The following PADI2 variants were observed in gnomAD, a reference collection of about 807,000 sequenced individuals.
PADI2 encodes the protein peptidyl arginine deiminase 2.
In PADI2, 70 loss-of-function variants were observed where a neutral mutation model predicts 81.1. That is an observed-to-expected ratio of 0.86 (90% confidence interval 0.71 to 1.05). The LOEUF (loss-of-function observed/expected upper bound fraction) is 1.05, where lower values mean the gene tolerates loss of function less well. Among genes scored for constraint, PADI2 ranks in the 50% least tolerant of loss-of-function variants. PADI2 has a pLI of 0.00. For synonymous variants in PADI2, 338 were observed against 358.0 expected, an observed-to-expected ratio of 0.94 and a Z score of 0.63; for missense variants, 853 against 889.9, an observed-to-expected ratio of 0.96 and a Z score of 0.53.
At chr1:17,108,682 A>G (rs1489672946) in intron 1 of PADI2, among the ~76,000 whole-genome samples, 1 of 152,186 alleles carries the variant, frequency 6.6e-6, no homozygotes, top group African/African-American at 2.4e-5. Context: ...TGGCACAGGG[A>G]GGAACAATCT....
intron 12 of PADI2, 44 bp from the exon 13 acceptor site, chr1:17,074,993 C>T: frequency 5.2e-6 from 7 of 1,351,564 alleles, no homozygotes; most frequent in South Asian, 1.2e-5. Flanking sequence ...AGTGGGAAGG[C>T]ACCCAAGGAG....
intron 1 of PADI2, among the ~76,000 whole-genome samples, chr1:17,118,859 T>C (rs1220199528): frequency 1.3e-5 from 2 of 151,888 alleles, no homozygotes; most frequent in Non-Finnish European, 1.5e-5. Context: ...GAAGCTCCGC[T>C]GAACTGGGAG....
rs376547332 is a variant in PADI2 at position 17,102,967 on chromosome 1, C to T, written c.349+20G>A. The stretch of plus-strand genomic sequence containing the variant: ...GCCCTGGGTGATGAAGGCACTGAGA[C>T]GGCAACCATGCCAACTCACCAATGG... On this transcript the variant is annotated intron_variant, in intron 3 of 15. Transcript: ENST00000375486. The T allele has an allele frequency of 4.0e-5, 64 of 1,591,504 alleles. No individual in the cohort carries two copies. The highest frequency in any genetic ancestry group is 4.5e-5 in the South Asian group (4 of 89,726).
intron 1 of PADI2, among the ~76,000 whole-genome samples, chr1:17,116,097 C>T (rs969988798): frequency 2.6e-5 from 4 of 152,206 alleles, no homozygotes; most frequent in African/African-American, 9.7e-5. Flanking sequence ...AAGATCCTTC[C>T]TCCTGTTCTC....
chr1:17,082,826 T>C, intron 9 of PADI2, 174 bp from the exon 10 acceptor site: 1 of 555,728 alleles, frequency 1.8e-6, no homozygotes, highest in East Asian at 3.2e-5. Context: ...CAGGTGTCCA[T>C]AGGCAGTCTC....
intron 5 of PADI2, 110 bp from the exon 6 acceptor site, chr1:17,092,643 G>A: frequency 3.0e-6 from 3 of 1,006,110 alleles, no homozygotes; most frequent in Non-Finnish European, 4.3e-6. Flanking sequence ...TGTGTATTAT[G>A]GAAACTATAG....
chr1:17,099,360 G>T (rs1931059636), intron 3 of PADI2, among the ~76,000 whole-genome samples: 1 of 152,110 alleles, frequency 6.6e-6, no homozygotes, highest in African/African-American at 2.4e-5. Flanking sequence ...TCCACTGCCA[G>T]GACCTCAAAT....
chr1:17,102,905 AC>A, intron 3 of PADI2, 81 bp downstream of exon 3: 1 of 1,026,068 alleles, frequency 9.7e-7, no homozygotes, highest in South Asian at 1.3e-5. Flanking sequence ...CGCACTGAGA[AC>A]CGCCTAAGTG....
At chr1:17,116,805 G>T (rs1020362131) in intron 1 of PADI2, among the ~76,000 whole-genome samples, 20 of 152,308 alleles carry the variant, frequency 1.3e-4, no homozygotes, top group African/African-American at 4.6e-4. Context: ...GGTGGGTTCA[G>T]TTCCTAAGTG....
At chr1:17,099,972 G>A (rs376737197) in intron 3 of PADI2, among the ~76,000 whole-genome samples, 1 of 152,140 alleles carries the variant, frequency 6.6e-6, no homozygotes, top group African/African-American at 2.4e-5. Context: ...ACTCAGGATA[G>A]GACCAGGGTG....
At chr1:17,103,714 C>T (rs186783163) in intron 2 of PADI2, among the ~76,000 whole-genome samples, 39 of 150,256 alleles carry the variant, frequency 2.6e-4, no homozygotes, top group Admixed American at 1.3e-3. Flanking sequence ...CTATTCTGAA[C>T]GGAGGTGTGT....
At chr1:17,084,340 G>A (rs1176733335) in intron 8 of PADI2, among the ~76,000 whole-genome samples, 1 of 152,236 alleles carries the variant, frequency 6.6e-6, no homozygotes, top group Non-Finnish European at 1.5e-5. Flanking sequence ...CCTGGTAGAG[G>A]GTTAAGCAAG....
chr1:17,105,048 C>T lies in PADI2; in HGVS notation c.106G>A (p.Gly36Arg), dbSNP rs143710553. 8.2e-6 allele frequency: 13 copies of T among 1,579,106 alleles called. No individual in the cohort carries two copies. Among genetic ancestry groups the T allele is most frequent in the South Asian group, 3.4e-5 (3 of 88,862 alleles). The change falls in exon 2 of 16, where the codon GGG becomes AGG. Residue 36 changes from glycine to arginine, a missense_variant. By Grantham distance (125) the Gly-to-Arg change is moderately radical. Coordinates refer to ENST00000375486, the MANE Select transcript of PADI2 (RefSeq NM_007365.3). The part of the protein sequence containing the change: ...WTDVYSAAPA[G>R]AQTFSLKHSE... ...TGCTTCAGGCTGAAGGTTTGGGCCC[C>T]GGCTGGGGCCGCGCTGTGGGGAGAG...
chr1:17,099,098 G>T (rs1440516788), intron 3 of PADI2, among the ~76,000 whole-genome samples: 1 of 152,238 alleles, frequency 6.6e-6, no homozygotes, highest in Non-Finnish European at 1.5e-5. Flanking sequence ...GTTCAAGGCA[G>T]TCTGCCCTGA....
intron 6 of PADI2, among the ~76,000 whole-genome samples, chr1:17,087,434 T>C (rs1225728274): frequency 2.0e-5 from 3 of 152,208 alleles, no homozygotes; most frequent in Non-Finnish European, 4.4e-5. Flanking sequence ...GGGGCTCTGT[T>C]TGGAGCTCCC....
At chr1:17,111,934 G>A (rs1210090268) in intron 1 of PADI2, among the ~76,000 whole-genome samples, 1 of 152,200 alleles carries the variant, frequency 6.6e-6, no homozygotes, top group African/African-American at 2.4e-5. Context: ...GCAAGGGGGA[G>A]GGAGAGTGGT....
At position 17,119,363 on chromosome 1, in the gene PADI2, G is replaced by A. The variant is rs1320262713; in HGVS notation, c.9C>T (p.Arg3=). 6.5e-7 allele frequency: 1 copy of A among 1,534,970 alleles called. No individual in the cohort carries two copies. Among genetic ancestry groups the A allele is most frequent in the Non-Finnish European group, 8.8e-7 (1 of 1,141,004 alleles). The change falls in exon 1 of 16, where the codon CGC becomes CGT. Residue 3 remains arginine, a synonymous_variant. Transcript: ENST00000375486. This position sits in a 1 kb window ranked among gnomAD's most constrained non-coding sequence, Gnocchi z 4.8. ...CGTACTGCAGCCGCACGGTCCGCTC[G>A]CGCAGCATCCTCCCCGCCGCAGTGC... The part of the protein sequence containing the change: ML[R]ERTVRLQYGS...
intron 13 of PADI2, among the ~76,000 whole-genome samples, chr1:17,073,410 G>T (rs1328431690): frequency 1.4e-5 from 1 of 73,706 alleles, no homozygotes; most frequent in Non-Finnish European, 2.5e-5. Context: ...GAGTGAGACT[G>T]TGTCTCAAAA....
chr1:17,067,416 A>T lies in PADI2; in HGVS notation c.*1628T>A, dbSNP rs1420358812. The T allele has an allele frequency of 2.0e-5, 3 of 151,950 alleles. No individual in the cohort carries two copies. The East Asian group carries it at 5.8e-4, about 29-fold the overall frequency. The allele number at this position is 151,950 out of a possible 1,614,324, so 9.4% of individuals were successfully genotyped here. A position where few individuals can be genotyped will look rare whatever the true frequency, so the allele number is the denominator to read the frequency against. ...ACAACAGCTTCTGGAGGCTCTGGGG[A>T]CTCATTGGATGGGTACTGGCTAGGT... On this transcript the variant is annotated 3_prime_UTR_variant, in exon 16 of 16. Coordinates refer to ENST00000375486, the MANE Select transcript of PADI2 (RefSeq NM_007365.3).
Sources: allele counts gnomAD v4.1 joint callset (sites outside exome capture counted in the v4.1 genomes callset), GRCh38; gene constraint gnomAD v4.1.1; non-coding constraint Gnocchi (gnomAD v3.1); transcripts MANE v1.5; gene names NCBI Gene and HGNC (gene_info 2026-07-23, HGNC 2026-07-21).